SCAPER: variants seen among roughly 807,000 people sequenced by gnomAD.
SCAPER encodes the protein S phase cyclin A-associated protein in the endoplasmic reticulum.
SCAPER carries 98 observed loss-of-function variants against 182.2 expected under a neutral mutation model. The observed-to-expected ratio is 0.54, with a 90% CI of 0.46 to 0.64. The LOEUF is 0.64. Ranked by LOEUF, SCAPER falls within the 30% of genes least tolerant of loss-of-function variation. SCAPER has a pLI of 0.00. For missense variants in SCAPER, 1,432 were observed against 1,690.0 expected, an observed-to-expected ratio of 0.85 and a Z score of 2.68; for synonymous variants, 605 against 564.6, an observed-to-expected ratio of 1.07 and a Z score of -1.01.
rs138939897 is a variant in SCAPER at position 76,543,391 on chromosome 15, A to G, written c.2838+30767T>C. ...TTAAAATACAGGAAGTAGACTCTCA[A>G]TTAGAATTCTCACACAGAATGGATT... On this transcript the variant is annotated intron_variant, in intron 23 of 31. Transcript: ENST00000563290. 5.6e-4 allele frequency among the ~76,000 whole-genome samples: 86 copies of G among 152,278 alleles called. 2 individuals carry two copies. Among genetic ancestry groups the G allele is most frequent in the African/African-American group, 1.9e-3 (77 of 41,544 alleles).
chr15:76,734,644 G>A (rs1226352087), intron 15 of SCAPER, among the ~76,000 whole-genome samples: 1 of 152,048 alleles, frequency 6.6e-6, no homozygotes, highest in Non-Finnish European at 1.5e-5. Context: ...TTGGGAGGCT[G>A]AGGCGGGTGG....
intron 4 of SCAPER, among the ~76,000 whole-genome samples, chr15:76,851,970 C>G (rs2070805871): frequency 6.6e-6 from 1 of 151,526 alleles, no homozygotes; most frequent in African/African-American, 2.4e-5. Context: ...CATGCATAGG[C>G]TCAAAATAAA....
chr15:76,771,893 C>T lies in SCAPER; in HGVS notation c.1097G>A (p.Arg366Gln), dbSNP rs766354845. Residue 366 changes from arginine to glutamine, a missense_variant, in exon 10 of 32, where the codon CGA becomes CAA. Arg to Gln is a conservative substitution (Grantham distance 43). Transcript: ENST00000563290. ...GTGGACAGCAGATATTTCAGAAGTT[C>T]GAACATAATTGTCTCGAATACTGCC... Reference protein sequence around the residue: ...NSGSIRDNYVRTSEISAVHID... With the variant: ...NSGSIRDNYVQTSEISAVHID... 40 of 1,612,766 alleles carry T rather than the reference C, an allele frequency of 2.5e-5. No homozygotes were observed. Among genetic ancestry groups the T allele is most frequent in the Non-Finnish European group, 2.9e-5 (34 of 1,179,410 alleles).
intron 11 of SCAPER, among the ~76,000 whole-genome samples, chr15:76,766,034 TA>T (rs2063091593): frequency 2.0e-5 from 3 of 152,182 alleles, no homozygotes; most frequent in Non-Finnish European, 4.4e-5. Context: ...ATCATTAACA[TA>T]TATATCCTAA....
At chr15:76,868,622 A>G (rs2151907314) in intron 2 of SCAPER, among the ~76,000 whole-genome samples, 1 of 152,314 alleles carries the variant, frequency 6.6e-6, no homozygotes, top group South Asian at 2.1e-4. Flanking sequence ...ATTGTAATAC[A>G]CTGATGAATG....
chr15:76,728,031 G>A (rs994680775), intron 17 of SCAPER, among the ~76,000 whole-genome samples: 2 of 151,854 alleles, frequency 1.3e-5, no homozygotes, highest in African/African-American at 2.4e-5. Flanking sequence ...TACCAACTTC[G>A]CTATAATTCA....
intron 2 of SCAPER, among the ~76,000 whole-genome samples, chr15:76,870,938 TACCGACAACA>T (rs1470252067): frequency 6.6e-6 from 1 of 151,936 alleles, no homozygotes; most frequent in Non-Finnish European, 1.5e-5. Flanking sequence ...GGTTAAAAAG[TACCGACAACA>T]ACAACAACAA....
intron 23 of SCAPER, among the ~76,000 whole-genome samples, chr15:76,539,541 A>ATTT (rs1158992571): frequency 7.9e-6 from 1 of 126,216 alleles, no homozygotes. Context: ...TAAAATCAAA[A>ATTT]TTTCTTTTTT....
chr15:76,423,936 G>A lies in SCAPER; in HGVS notation c.3311+10142C>T, dbSNP rs190109570. On this transcript the variant is annotated intron_variant, in intron 26 of 31. Transcript: ENST00000563290. ...TCTGTGTAGTTGAGCGGTTTTGAGT[G>A]AGTTTCTTAATCCTGAGTTCTAGTT... Among the ~76,000 whole-genome samples the A allele has an allele frequency of 1.0e-3, 155 of 152,332 alleles. 3 individuals carry two copies. The highest frequency in any genetic ancestry group is 3.7e-3 in the African/African-American group (152 of 41,578).
chr15:76,400,310 C>T (rs2044371106), intron 27 of SCAPER, among the ~76,000 whole-genome samples: 1 of 152,216 alleles, frequency 6.6e-6, no homozygotes, highest in African/African-American at 2.4e-5. Flanking sequence ...TTCTGGCTAG[C>T]TTCTGGTAGC....
At chr15:76,856,960 A>T (rs950583516) in intron 4 of SCAPER, among the ~76,000 whole-genome samples, 4 of 152,220 alleles carry the variant, frequency 2.6e-5, no homozygotes, top group African/African-American at 9.6e-5. Flanking sequence ...AACACTTTCA[A>T]AAGATAAAGT....
At chr15:76,715,675 A>G (rs78292009) in intron 17 of SCAPER, among the ~76,000 whole-genome samples, 2,198 of 152,154 alleles carry the variant, frequency 0.014, 54 homozygotes, top group African/African-American at 0.051. Context: ...AGCCTGAGCT[A>G]CCATGTTACC....
rs915614158 is a variant in SCAPER at position 76,575,285 on chromosome 15, T to G, written c.2712-1001A>C. Among the ~76,000 whole-genome samples the G allele has an allele frequency of 2.6e-5, 4 of 152,274 alleles. No homozygotes were observed. The East Asian group carries it at 5.8e-4, about 22-fold the overall frequency. ...CCATGCAAAATACTGGTAGGACTAC[T>G]GATTCAAGATCTTATTAAATCTCCC... On this transcript the variant is annotated intron_variant, in intron 22 of 31. Coordinates refer to ENST00000563290, the MANE Select transcript of SCAPER (RefSeq NM_020843.4).
chr15:76,434,160 T>G lies in SCAPER; in HGVS notation c.3229A>C (p.Thr1077Pro). The change falls in exon 26 of 32, where the codon ACC becomes CCC. Residue 1077 changes from threonine to proline, a missense_variant. By Grantham distance (38) the Thr-to-Pro change is conservative (BLOSUM62 -1). Around this residue, in one of 5 missense-constraint regions of SCAPER, gnomAD observed 718 missense variants for 799.7 expected, o/e 0.90. Coordinates refer to ENST00000563290, the MANE Select transcript of SCAPER (RefSeq NM_020843.4). Reference sequence around the variant, plus strand: ...ATTTCCTGTGTTGGTATTTTTGGGGTAGCTGGCTGGCAGTTTCCATCTGGT... The same window carrying G: ...ATTTCCTGTGTTGGTATTTTTGGGGGAGCTGGCTGGCAGTTTCCATCTGGT... ...NRPDGNCQPA[T>P]PKIPTQEMKN... 1.2e-6 allele frequency: 2 copies of G among 1,613,996 alleles called. No homozygotes were observed. The highest frequency in any genetic ancestry group is 1.7e-6 in the Non-Finnish European group (2 of 1,179,882).
At chr15:76,369,752 A>G (rs1037419669) in intron 29 of SCAPER, among the ~76,000 whole-genome samples, 1 of 152,246 alleles carries the variant, frequency 6.6e-6, no homozygotes, top group African/African-American at 2.4e-5. Context: ...CTTTTCAGTT[A>G]TAGAAAACTT....
Position 76,516,867 on chromosome 15 carries a change from G to A in SCAPER, c.2839-11893C>T, listed in dbSNP as rs369217777. On this transcript the variant is annotated intron_variant, in intron 23 of 31. Coordinates refer to ENST00000563290, the MANE Select transcript of SCAPER (RefSeq NM_020843.4). ...CTTTTATCAAATTACCATCTTGGAG[G>A]GCTACTGAGAGCAACATTTCGAGGG... 3.9e-5 allele frequency among the ~76,000 whole-genome samples: 6 copies of A among 152,240 alleles called. No individual in the cohort carries two copies. In the East Asian group the frequency reaches 5.8e-4, roughly 15 times the overall value.
chr15:76,602,689 C>T (rs2050008789), intron 22 of SCAPER, among the ~76,000 whole-genome samples: 1 of 120,604 alleles, frequency 8.3e-6, no homozygotes, highest in Non-Finnish European at 2.0e-5. Flanking sequence ...CTTTTCCCTT[C>T]TGGTATCCCA....
chr15:76,827,542 T>C (rs1044196012), intron 5 of SCAPER, among the ~76,000 whole-genome samples: 3 of 151,840 alleles, frequency 2.0e-5, no homozygotes, highest in Non-Finnish European at 4.4e-5. Context: ...GAAAGTAATA[T>C]GAAGGACTAT....
chr15:76,857,590 A>C (rs12910734), intron 4 of SCAPER, among the ~76,000 whole-genome samples: 1 of 151,996 alleles, frequency 6.6e-6, no homozygotes, highest in Non-Finnish European at 1.5e-5. Context: ...TAATGCTTAC[A>C]TCGAAGGGTA....
Sources: allele counts gnomAD v4.1 joint callset (sites outside exome capture counted in the v4.1 genomes callset), GRCh38; gene constraint gnomAD v4.1.1; regional missense constraint gnomAD v4.1.1; transcripts MANE v1.5; gene names NCBI Gene and HGNC (gene_info 2026-07-23, HGNC 2026-07-21).